SLC44A3: variants seen among roughly 807,000 people sequenced by gnomAD.
SLC44A3 encodes solute carrier family 44 member 3.
In SLC44A3, 74 loss-of-function variants were observed where a neutral mutation model predicts 75.4. The observed-to-expected ratio is 0.98, with a 90% CI of 0.81 to 1.19. The LOEUF (loss-of-function observed/expected upper bound fraction) is 1.19, where lower values mean the gene tolerates loss of function less well. Among genes scored for constraint, SLC44A3 ranks in the 50% most tolerant of loss-of-function variants. The probability of loss-of-function intolerance (pLI) is 0.00; values close to 1 mark genes in which losing one functional copy is unlikely to be tolerated. For missense variants in SLC44A3, 700 were observed against 778.6 expected, an observed-to-expected ratio of 0.90 and a Z score of 1.20; for synonymous variants, 310 against 296.9, an observed-to-expected ratio of 1.04 and a Z score of -0.45.
chr1:94,891,312 T>G lies in SLC44A3; in HGVS notation c.1620+45T>G, dbSNP rs779812157. 4 of 1,556,922 alleles carry G rather than the reference T, an allele frequency of 2.6e-6. No homozygotes were observed. In the East Asian group the frequency reaches 9.0e-5, roughly 35 times the overall value. ...TAAAGGAGCCTGGGATTCTGAAAAT[T>G]AAGCCATACAACAATTGGTTTGAAA... On this transcript the variant is annotated intron_variant, in intron 13 of 14. Transcript: ENST00000271227.
intron 10 of SLC44A3, among the ~76,000 whole-genome samples, chr1:94,859,785 C>T (rs370593693): frequency 2.6e-5 from 4 of 152,266 alleles, no homozygotes; most frequent in African/African-American, 9.6e-5. Flanking sequence ...CCACATACAC[C>T]AGCACCCCAC....
At chr1:94,866,947 T>G (rs1251638724) in intron 11 of SLC44A3, among the ~76,000 whole-genome samples, 1 of 152,182 alleles carries the variant, frequency 6.6e-6, no homozygotes, top group African/African-American at 2.4e-5. Flanking sequence ...TTTTTTTGTT[T>G]CTGGGATGTG....
chr1:94,891,320 A>G, intron 13 of SLC44A3, 53 bp downstream of exon 13: 1 of 1,544,010 alleles, frequency 6.5e-7, no homozygotes, highest in East Asian at 2.3e-5. Context: ...ATTAAGCCAT[A>G]CAACAATTGG....
At chr1:94,840,256 CTTTCT>C (rs1313324609) in intron 7 of SLC44A3, among the ~76,000 whole-genome samples, 1 of 101,834 alleles carries the variant, frequency 9.8e-6, no homozygotes, top group South Asian at 3.4e-4. Context: ...TTTTTTTCTT[CTTTCT>C]TTTCTTTTCT....
At position 94,895,241 on chromosome 1, in the gene SLC44A3, TA is replaced by T. The variant is rs1670637956; in HGVS notation, c.*321del. On this transcript the variant is annotated 3_prime_UTR_variant, in exon 15 of 15. Coordinates refer to ENST00000271227, the MANE Select transcript of SLC44A3 (RefSeq NM_001114106.3). Reference sequence around the variant, plus strand: ...AACTAATAAATAAACCTTTTTAAGATAAGGATTTTGTTAGCAGAAATCTCTG... The same window carrying T: ...AACTAATAAATAAACCTTTTTAAGATAGGATTTTGTTAGCAGAAATCTCTG... 1 of 190,136 alleles carries T rather than the reference TA, an allele frequency of 5.3e-6. No homozygotes were observed. The highest frequency in any genetic ancestry group is 1.1e-5 in the Non-Finnish European group (1 of 94,146). 11.8% of individuals were successfully genotyped at this position (190,136 alleles called of 1,614,324 possible).
chr1:94,838,049 G>A (rs913628467), intron 6 of SLC44A3, among the ~76,000 whole-genome samples, 178 bp downstream of exon 6: 13 of 152,224 alleles, frequency 8.5e-5, no homozygotes, highest in African/African-American at 2.7e-4. Context: ...ATAGAGGAGC[G>A]GCTGGCCCTC....
intron 5 of SLC44A3, among the ~76,000 whole-genome samples, chr1:94,829,625 A>G (rs967663113): frequency 2.6e-5 from 4 of 152,218 alleles, no homozygotes; most frequent in African/African-American, 9.6e-5. Context: ...GGAAAAATAC[A>G]ATGAGTGTTT....
At chr1:94,887,198 T>C (rs752924175) in intron 12 of SLC44A3, among the ~76,000 whole-genome samples, 3 of 152,152 alleles carry the variant, frequency 2.0e-5, no homozygotes, top group Non-Finnish European at 4.4e-5. Context: ...AACAAGGACT[T>C]ACGATGAAAA....
Position 94,894,949 on chromosome 1 carries a change from A to C in SLC44A3, c.*27A>C. ...TACCCATTTAGGTATCTGTACCTGG[A>C]AAACATTTCCTTCTAAGAGCCATTT... On this transcript the variant is annotated 3_prime_UTR_variant, in exon 15 of 15. Coordinates refer to ENST00000271227, the MANE Select transcript of SLC44A3 (RefSeq NM_001114106.3). The C allele has an allele frequency of 1.3e-6, 2 of 1,558,472 alleles. No homozygotes were observed. The highest frequency in any genetic ancestry group is 1.2e-5 in the South Asian group (1 of 86,316).
chr1:94,888,893 CTA>C (rs34513886), intron 12 of SLC44A3, among the ~76,000 whole-genome samples: 90,238 of 146,798 alleles, frequency 0.61, 27,657 homozygotes, highest in East Asian at 0.69. Flanking sequence ...CCACGACTGG[CTA>C]TATATATATA....
rs1664279356 is a variant in SLC44A3, at chr1:94,845,399, C to T, written c.1007C>T (p.Thr336Ile). The T allele has an allele frequency of 1.2e-6, 2 of 1,614,086 alleles. No individual in the cohort carries two copies. The highest frequency in any genetic ancestry group is 1.7e-6 in the Non-Finnish European group (2 of 1,180,024). ...TTCCTGCTGTTCCAGCCACTGTGGA[C>T]ATTTGCCATCCTCATTTTCTTCTGG... Reference protein sequence around the residue: ...APFLLFQPLWTFAILIFFWVL... With the variant: ...APFLLFQPLWIFAILIFFWVL... Residue 336 changes from threonine (T) to isoleucine (I), a missense_variant, in exon 9 of 15, where the codon ACA (threonine) becomes ATA (isoleucine). Coordinates refer to ENST00000271227, the MANE Select transcript of SLC44A3 (RefSeq NM_001114106.3).
At chr1:94,820,917 T>A (rs1176262346) in intron 1 of SLC44A3, 32 bp from the exon 2 acceptor site, 7 of 1,541,244 alleles carry the variant, frequency 4.5e-6, no homozygotes, top group Non-Finnish European at 6.1e-6. Context: ...CCTGTTTATC[T>A]TCTTTTTCTC....
intron 12 of SLC44A3, among the ~76,000 whole-genome samples, chr1:94,877,572 T>A (rs1668427783): frequency 6.6e-6 from 1 of 152,100 alleles, no homozygotes; most frequent in Non-Finnish European, 1.5e-5. Flanking sequence ...CTCCTTCCAT[T>A]GAGAGTCCCA....
At chr1:94,827,754 C>A (rs878992330) in intron 4 of SLC44A3, 111 bp downstream of exon 4, 29 of 1,357,794 alleles carry the variant, frequency 2.1e-5, no homozygotes, top group Admixed American at 1.3e-4. Context: ...GGAAGTTTTA[C>A]TTCCTTGTGG....
intron 12 of SLC44A3, among the ~76,000 whole-genome samples, chr1:94,888,162 G>C (rs1669808818): frequency 6.6e-6 from 1 of 152,214 alleles, no homozygotes; most frequent in South Asian, 2.1e-4. Flanking sequence ...GTCAGTGGTA[G>C]AATTGGGATT....
chr1:94,891,354 G>T, intron 13 of SLC44A3, 87 bp downstream of exon 13: 1 of 1,358,212 alleles, frequency 7.4e-7, no homozygotes, highest in South Asian at 1.4e-5. Flanking sequence ...TATATTTCTT[G>T]AGTACTTACT....
chr1:94,867,244 A>T, intron 11 of SLC44A3, 87 bp from the exon 12 acceptor site: 1 of 1,203,350 alleles, frequency 8.3e-7, no homozygotes, highest in Non-Finnish European at 1.1e-6. Flanking sequence ...GTGCATAAGT[A>T]AAAACTGTGT....
intron 2 of SLC44A3, among the ~76,000 whole-genome samples, chr1:94,823,065 A>T (rs1471304903): frequency 6.6e-6 from 1 of 151,650 alleles, no homozygotes; most frequent in African/African-American, 2.4e-5. Context: ...CTCAGAAACC[A>T]CTCCCACCTC....
chr1:94,885,181 C>T (rs763899916), intron 12 of SLC44A3, among the ~76,000 whole-genome samples: 9 of 122,474 alleles, frequency 7.3e-5, no homozygotes, highest in Non-Finnish European at 1.1e-4. Context: ...AATACAATCG[C>T]GCCATTGCAC....
Sources: gnomAD v4.1 joint callset for allele counts (sites outside exome capture counted in the v4.1 genomes callset) on GRCh38, gnomAD v4.1.1 for gene constraint, MANE v1.5 for transcripts, NCBI Gene and HGNC (gene_info 2026-07-23, HGNC 2026-07-21) for gene names.